Variants in GLDN observed in about 807,000 individuals in gnomAD.
GLDN encodes collomin.
Under a neutral mutation model 56.5 loss-of-function variants are expected in GLDN, and 47 were observed. The observed-to-expected ratio is 0.83, with a 90% CI of 0.66 to 1.06. GLDN has a LOEUF of 1.06. GLDN is among the 50% of genes least tolerant of loss of function. GLDN has a pLI of 0.00. For synonymous variants in GLDN, 332 were observed against 278.8 expected, an observed-to-expected ratio of 1.19 and a Z score of -1.90; for missense variants, 782 against 714.3, an observed-to-expected ratio of 1.09 and a Z score of -1.08.
At chr15:51,356,931 A>G (rs1179135411) in intron 1 of GLDN, among the ~76,000 whole-genome samples, 1 of 152,258 alleles carries the variant, frequency 6.6e-6, no homozygotes, top group African/African-American at 2.4e-5. Context: ...AACTTGCCAG[A>G]AAAACAGCAG....
chr15:51,387,580 C>A (rs1275520537), intron 4 of GLDN, among the ~76,000 whole-genome samples: 1 of 152,046 alleles, frequency 6.6e-6, no homozygotes, highest in South Asian at 2.1e-4. Context: ...CAGGTCCTCA[C>A]GTGGGTACGC....
chr15:51,346,848 C>T (rs1219113472), intron 1 of GLDN, among the ~76,000 whole-genome samples: 1 of 152,080 alleles, frequency 6.6e-6, no homozygotes, highest in Non-Finnish European at 1.5e-5. Context: ...GGTGCATAAC[C>T]TGAGATCAGG....
At chr15:51,374,101 T>C (rs2037573879) in intron 1 of GLDN, among the ~76,000 whole-genome samples, 1 of 152,336 alleles carries the variant, frequency 6.6e-6, no homozygotes, top group East Asian at 1.9e-4. Flanking sequence ...AATATCTCAA[T>C]TGACATTTAG....
chr15:51,348,099 C>G (rs1376949680), intron 1 of GLDN, among the ~76,000 whole-genome samples: 1 of 152,084 alleles, frequency 6.6e-6, no homozygotes, highest in East Asian at 1.9e-4. Context: ...CTGTGTTACT[C>G]TCTTCTTTAT....
chr15:51,385,387 C>A (rs1420064605), intron 4 of GLDN: 2 of 152,084 alleles, frequency 1.3e-5, no homozygotes, highest in Non-Finnish European at 1.5e-5. Context: ...AGCCTGCAAC[C>A]CAGGGAGTGC....
intron 4 of GLDN, among the ~76,000 whole-genome samples, chr15:51,391,869 A>G (rs2038029251): frequency 6.6e-6 from 1 of 152,066 alleles, no homozygotes; most frequent in African/African-American, 2.4e-5. Flanking sequence ...GCCGCCACCC[A>G]AGCTTACCAC....
At chr15:51,396,250 AG>A (rs1482968230) in intron 5 of GLDN, among the ~76,000 whole-genome samples, 1 of 152,216 alleles carries the variant, frequency 6.6e-6, no homozygotes, top group African/African-American at 2.4e-5. Flanking sequence ...CAAAGAACAA[AG>A]CTCTGGGTTG....
At chr15:51,400,339 A>T (rs1410658609) in intron 7 of GLDN, 34 bp from the exon 8 acceptor site, 1 of 1,614,136 alleles carries the variant, frequency 6.2e-7, no homozygotes, top group South Asian at 1.1e-5. Context: ...CATAATTGGC[A>T]GGCAAGTGAC....
the GLDN span, among the ~76,000 whole-genome samples, chr15:51,413,085 T>C: frequency 6.6e-6 from 1 of 152,388 alleles, no homozygotes; most frequent in South Asian, 2.1e-4. Context: ...TTGTTCCCTT[T>C]TTTCTTTTTC....
chr15:51,376,193 A>G (rs982263555), intron 1 of GLDN, among the ~76,000 whole-genome samples: 1 of 152,246 alleles, frequency 6.6e-6, no homozygotes, highest in Admixed American at 6.5e-5. Flanking sequence ...GCAGGAAACT[A>G]GATGCCATAG....
chr15:51,404,631 A>T lies in GLDN; in HGVS notation c.1533A>T (p.Arg511Ser), dbSNP rs1284870293. ...AGATCAATGCAAACTTTGATTTAAGAACTTCCCAGTCTGTTCTTGCCATGT... is the reference window on the plus strand; with the variant it reads ...AGATCAATGCAAACTTTGATTTAAGTACTTCCCAGTCTGTTCTTGCCATGT... ...GKQINANFDL[R>S]TSQSVLAMLA... Residue 511 changes from arginine to serine, a missense_variant, in exon 10 of 10, where the codon AGA becomes AGT. By Grantham distance (110) the Arg-to-Ser change is moderately radical. Coordinates refer to ENST00000335449, the MANE Select transcript of GLDN (RefSeq NM_181789.4). 1.2e-6 allele frequency: 2 copies of T among 1,613,838 alleles called. No homozygotes were observed. Among genetic ancestry groups the T allele is most frequent in the East Asian group, 4.5e-5 (2 of 44,906 alleles).
At chr15:51,355,765 T>C (rs373649342) in intron 1 of GLDN, among the ~76,000 whole-genome samples, 444 of 149,902 alleles carry the variant, frequency 3.0e-3, no homozygotes, top group African/African-American at 8.9e-3. Context: ...CTTTGTGATC[T>C]GCCCACCTTG....
At chr15:51,365,735 C>T (rs538553322) in intron 1 of GLDN, among the ~76,000 whole-genome samples, 3 of 152,124 alleles carry the variant, frequency 2.0e-5, no homozygotes, top group East Asian at 1.9e-4. Flanking sequence ...ACGGATTGGA[C>T]GTTTTTCATT....
chr15:51,353,745 T>TAAAAA (rs2037122643), intron 1 of GLDN, among the ~76,000 whole-genome samples: 1 of 91,918 alleles, frequency 1.1e-5, no homozygotes, highest in African/African-American at 6.2e-5. Context: ...CCACAGTCAA[T>TAAAAA]TAAAAAAAAA....
In GLDN at chr15:51,401,755, C is replaced by T; in HGVS notation, c.1178+12C>T. 3.7e-6 allele frequency: 6 copies of T among 1,610,596 alleles called. No homozygotes were observed. Among genetic ancestry groups the T allele is most frequent in the Non-Finnish European group, 5.1e-6 (6 of 1,177,920 alleles). ...AATACCCTAGTGAGGTAAGTCGCACCACAGCACCTTCTCACGCCTCTCAGG... is the reference window on the plus strand; with the variant it reads ...AATACCCTAGTGAGGTAAGTCGCACTACAGCACCTTCTCACGCCTCTCAGG... On this transcript the variant is annotated intron_variant, in intron 9 of 9. Coordinates refer to ENST00000335449, the MANE Select transcript of GLDN (RefSeq NM_181789.4).
chr15:51,355,640 C>T (rs2141056262), intron 1 of GLDN, among the ~76,000 whole-genome samples: 1 of 150,864 alleles, frequency 6.6e-6, no homozygotes, highest in South Asian at 2.1e-4. Flanking sequence ...TCTCCTGCCT[C>T]AGCCTCCTGA....
chr15:51,343,617 G>A (rs1212288530), intron 1 of GLDN, among the ~76,000 whole-genome samples: 2 of 152,216 alleles, frequency 1.3e-5, no homozygotes, highest in East Asian at 1.9e-4. Flanking sequence ...ACAGGTCAGA[G>A]AGCAGAACTA....
At chr15:51,373,750 G>A (rs867721816) in intron 1 of GLDN, among the ~76,000 whole-genome samples, 14 of 152,184 alleles carry the variant, frequency 9.2e-5, no homozygotes, top group Admixed American at 2.0e-4. Context: ...TACAAGGTGC[G>A]GGGGCAGGGC....
intron 2 of GLDN, among the ~76,000 whole-genome samples, chr15:51,381,933 A>G (rs1235825041): frequency 6.6e-6 from 1 of 151,188 alleles, no homozygotes; most frequent in Non-Finnish European, 1.5e-5. Context: ...AGAACCTCCC[A>G]TGGCTCCCTC....
Sources: allele counts gnomAD v4.1 joint callset (sites outside exome capture counted in the v4.1 genomes callset), GRCh38; gene constraint gnomAD v4.1.1; transcripts MANE v1.5; gene names NCBI Gene and HGNC (gene_info 2026-07-23, HGNC 2026-07-21).